The following TLE5 variants were observed in gnomAD, a reference collection of about 807,000 sequenced individuals.
TLE5 encodes the protein TLE family member 5.
TLE5 carries 7 observed loss-of-function variants against 25.8 expected under a neutral mutation model. The ratio of observed to expected loss-of-function variants is 0.27; its 90% CI spans 0.15 to 0.51. TLE5 has a LOEUF of 0.51. TLE5 is among the 20% of genes least tolerant of loss of function. TLE5 has a pLI of 0.97. For synonymous variants in TLE5, 132 were observed against 110.5 expected, an observed-to-expected ratio of 1.20 and a Z score of -1.22; for missense variants, 149 against 250.7, an observed-to-expected ratio of 0.59 and a Z score of 2.74.
chr19:3,054,086 T>TCGGGGGGGGGGCC, intron 6 of TLE5, 34 bp downstream of exon 6: 120 of 1,512,056 alleles, frequency 7.9e-5, no homozygotes, highest in Non-Finnish European at 9.4e-5. Flanking sequence ...GGCCCACCTG[T>TCGGGGGGGGGGCC]CCCCCGCCCA....
intron 2 of TLE5, 106 bp downstream of exon 2, chr19:3,061,054 C>A: frequency 1.2e-6 from 1 of 808,734 alleles, no homozygotes; most frequent in Non-Finnish European, 2.1e-6. Context: ...CAGAGTCTAG[C>A]ATATATTATT....
chr19:3,055,352 G>C, intron 5 of TLE5: 1 of 226,612 alleles, frequency 4.4e-6, no homozygotes, highest in Non-Finnish European at 8.6e-6. Context: ...AAAGGAGGAA[G>C]AGAGATGAGA....
intron 6 of TLE5, 34 bp downstream of exon 6, chr19:3,054,086 T>TCGGGGGGGCC: frequency 1.5e-5 from 23 of 1,512,658 alleles, no homozygotes; most frequent in Non-Finnish European, 1.9e-5. Context: ...GGCCCACCTG[T>TCGGGGGGGCC]CCCCCGCCCA....
At chr19:3,054,086 T>TCCGGGGGGGGGGCCCCCC in intron 6 of TLE5, 34 bp downstream of exon 6, 1 of 1,512,808 alleles carries the variant, frequency 6.6e-7, no homozygotes, top group Non-Finnish European at 8.9e-7. Flanking sequence ...GGCCCACCTG[T>TCCGGGGGGGGGGCCCCCC]CCCCCGCCCA....
At chr19:3,057,346 G>A (rs975784733) in intron 3 of TLE5, 9 of 351,064 alleles carry the variant, frequency 2.6e-5, no homozygotes, top group Non-Finnish European at 4.3e-5. Context: ...GGAGGGACTC[G>A]GCTGCTCCCC....
upstream of TLE5, chr19:3,062,658 C>T: frequency 7.5e-6 from 10 of 1,326,574 alleles, no homozygotes; most frequent in Non-Finnish European, 9.6e-6. Flanking sequence ...TGGGCCCGGC[C>T]CGCCCCCGCC....
intron 6 of TLE5, 34 bp downstream of exon 6, chr19:3,054,086 T>TCGGGGGC: frequency 6.6e-7 from 1 of 1,512,800 alleles, no homozygotes; most frequent in Non-Finnish European, 8.9e-7. Flanking sequence ...GGCCCACCTG[T>TCGGGGGC]CCCCCGCCCA....
chr19:3,059,924 A>G (rs1010533102), intron 2 of TLE5, among the ~76,000 whole-genome samples: 5 of 152,346 alleles, frequency 3.3e-5, no homozygotes, highest in African/African-American at 1.2e-4. Flanking sequence ...GAGAATGGGT[A>G]CGACAGTCGG....
Position 3,053,548 on chromosome 19 carries a change from G to T in TLE5, c.*271C>A. On this transcript the variant is annotated 3_prime_UTR_variant, in exon 7 of 7. Coordinates refer to ENST00000327141, the MANE Select transcript of TLE5 (RefSeq NM_001130.6). ...TCCCTTGGGACCTGGTCTCCCATCT[G>T]ACCCTCCAGGCCTTAGCTTGCCTCA... The T allele has an allele frequency of 1.8e-6, 1 of 541,064 alleles. No homozygotes were observed. The highest frequency in any genetic ancestry group is 3.3e-6 in the Non-Finnish European group (1 of 303,214). 33.5% of individuals were successfully genotyped at this position (541,064 alleles called of 1,614,324 possible).
In TLE5 at chr19:3,053,954, C is replaced by T. The variant is rs772506069; in HGVS notation, c.459G>A (p.Ser153=). 31 of 1,611,560 alleles carry T rather than the reference C, an allele frequency of 1.9e-5. No homozygotes were observed. The highest frequency in any genetic ancestry group is 1.5e-4 in the South Asian group (14 of 90,942). The stretch of plus-strand genomic sequence containing the variant: ...CGGTGCCTGCGCTGACCGCCGGCAG[C>T]GAAGGCGGCTGCAGCCCCACGGGTA... ...TPLPVGLQPP[S]LPAVSAGTGL... is the part of the protein sequence containing the mutation. The change falls in exon 7 of 7, where the codon TCG becomes TCA. Residue 153 remains serine (S), a synonymous_variant. Transcript: ENST00000327141.
At position 3,062,233 on chromosome 19, in the gene TLE5, C is replaced by T. The variant is rs995817160; in HGVS notation, c.-33G>A. The T allele has an allele frequency of 3.6e-6, 4 of 1,103,978 alleles. No individual in the cohort carries two copies. The highest frequency in any genetic ancestry group is 4.4e-6 in the Non-Finnish European group (4 of 904,900). The allele number at this position is 1,103,978 out of a possible 1,614,324, so 68.4% of individuals were successfully genotyped here. A position where few individuals can be genotyped will look rare whatever the true frequency, so the allele number is the denominator to read the frequency against. On this transcript the variant is annotated 5_prime_UTR_variant, in exon 1 of 7. Coordinates refer to ENST00000327141, the MANE Select transcript of TLE5 (RefSeq NM_001130.6). Reference sequence around the variant, plus strand: ...GCGGCGGGGGGCGCGGGCTGCGCCCCGGCTGTGCGCCCCGGCTCGGGCTGC... The same window carrying T: ...GCGGCGGGGGGCGCGGGCTGCGCCCTGGCTGTGCGCCCCGGCTCGGGCTGC...
rs1373198803 is a variant in TLE5, at chr19:3,061,448, G to A, written c.28-191C>T. 5.7e-5 allele frequency: 24 copies of A among 420,644 alleles called. No homozygotes were observed. In the East Asian group the frequency reaches 9.7e-4, roughly 17 times the overall value. 26.1% of individuals were successfully genotyped at this position (420,644 alleles called of 1,614,324 possible). On this transcript the variant is annotated intron_variant, in intron 1 of 6. Coordinates refer to ENST00000327141, the MANE Select transcript of TLE5 (RefSeq NM_001130.6). Reference sequence around the variant, plus strand: ...CCGCCTCTCCCGGGGGAAGCCGAGCGGGTGGGTGCGCCCGGAGCCGCCCCG... The same window carrying A: ...CCGCCTCTCCCGGGGGAAGCCGAGCAGGTGGGTGCGCCCGGAGCCGCCCCG...
chr19:3,057,634 TGTCGCCCG>T (rs759331874), intron 3 of TLE5, 37 bp downstream of exon 3: 2 of 1,590,620 alleles, frequency 1.3e-6, no homozygotes, highest in South Asian at 2.2e-5. Context: ...TGGAGGGCCC[TGTCGCCCG>T]CCCCCAACAC....
chr19:3,062,650 G>C (rs2090282348), upstream of TLE5: 14 of 1,305,448 alleles, frequency 1.1e-5, no homozygotes, highest in African/African-American at 3.1e-5. Flanking sequence ...GGTGACCTTG[G>C]GCCCGGCCCG....
At position 3,057,609 on chromosome 19, in the gene TLE5, G is replaced by A. The variant is rs374888556; in HGVS notation, c.189+70C>T. 4.8e-5 allele frequency: 71 copies of A among 1,464,632 alleles called. No homozygotes were observed. The East Asian group carries it at 8.4e-4, about 17-fold the overall frequency. The allele number at this position is 1,464,632 out of a possible 1,614,324, so 90.7% of individuals were successfully genotyped here. Reference sequence around the variant, plus strand: ...GCCGGGGTTGAGGGAGCAGCTGCCCGTGGTGGAGGGGATGTGGAGGGCCCT... The same window carrying A: ...GCCGGGGTTGAGGGAGCAGCTGCCCATGGTGGAGGGGATGTGGAGGGCCCT... On this transcript the variant is annotated intron_variant, in intron 3 of 6. Coordinates refer to ENST00000327141, the MANE Select transcript of TLE5 (RefSeq NM_001130.6).
intron 3 of TLE5, chr19:3,057,437 G>T: frequency 3.7e-6 from 2 of 539,280 alleles, no homozygotes; most frequent in Non-Finnish European, 6.7e-6. Context: ...ACAGCCGGGG[G>T]ACCTGGCAGG....
chr19:3,062,580 G>A (rs2090281850), upstream of TLE5: 2 of 912,122 alleles, frequency 2.2e-6, no homozygotes, highest in South Asian at 5.0e-5. Context: ...GGGGACGCGC[G>A]CGCCCGGGGA....
Position 3,054,371 on chromosome 19 carries a change from T to G in TLE5, c.298-177A>C. On this transcript the variant is annotated intron_variant, in intron 5 of 6. Coordinates refer to ENST00000327141, the MANE Select transcript of TLE5 (RefSeq NM_001130.6). ...CCTCCCTCTCTCCAACTGCTTCCTT[T>G]CACCAAGCTCGTCTCTTCGTCTGGC... 4.9e-6 allele frequency: 3 copies of G among 616,434 alleles called. No individual in the cohort carries two copies. The South Asian group carries it at 5.8e-5, about 12-fold the overall frequency. The allele number at this position is 616,434 out of a possible 1,614,324, so 38.2% of individuals were successfully genotyped here. A position where few individuals can be genotyped will look rare whatever the true frequency, so the allele number is the denominator to read the frequency against.
At chr19:3,061,086 C>G in intron 2 of TLE5, 74 bp downstream of exon 2, 1 of 1,137,992 alleles carries the variant, frequency 8.8e-7, no homozygotes, top group Non-Finnish European at 1.3e-6. Flanking sequence ...CAGGCCTCAG[C>G]CTTGCCATCT....
Sources: gnomAD v4.1 joint callset for allele counts (sites outside exome capture counted in the v4.1 genomes callset) on GRCh38, gnomAD v4.1.1 for gene constraint, MANE v1.5 for transcripts, NCBI Gene and HGNC (gene_info 2026-07-23, HGNC 2026-07-21) for gene names.